Variants in CUBN observed in about 807,000 individuals in gnomAD.
CUBN encodes the protein 460 kDa receptor.
In CUBN, 282 loss-of-function variants were observed where a neutral mutation model predicts 405.3. That is an observed-to-expected ratio of 0.70 (90% CI 0.63 to 0.77). The LOEUF is 0.77. Among genes scored for constraint, CUBN ranks in the 30% least tolerant of loss-of-function variants. The probability of loss-of-function intolerance (pLI) is 0.00; values close to 1 mark genes in which losing one functional copy is unlikely to be tolerated. For missense variants in CUBN, 4,514 were observed against 4,475.2 expected, an observed-to-expected ratio of 1.01 and a Z score of -0.25; for synonymous variants, 1,684 against 1,617.0, an observed-to-expected ratio of 1.04 and a Z score of -0.99.
chr10:16,894,667 C>G (rs921792076), intron 54 of CUBN, among the ~76,000 whole-genome samples: 2 of 152,074 alleles, frequency 1.3e-5, no homozygotes, highest in African/African-American at 4.8e-5. Flanking sequence ...TTCCAAGATT[C>G]TTTTAGCCAT....
chr10:17,037,408 A>G (rs1412444378), intron 27 of CUBN, among the ~76,000 whole-genome samples: 1 of 152,244 alleles, frequency 6.6e-6, no homozygotes, highest in Non-Finnish European at 1.5e-5. Context: ...CTTAAAAATC[A>G]TATAATCATA....
At position 16,940,055 on chromosome 10, in the gene CUBN, C is replaced by T. The variant is rs909593073; in HGVS notation, c.5525G>A (p.Gly1842Asp). The stretch of plus-strand genomic sequence containing the variant: ...ACTCTTCATAAATGTGGCCTGGAAG[C>T]CCGTGCCGCTGCCAGAACCATCTGA... ...FISDGSGSGT[G>D]FQATFMKIFG... Residue 1842 changes from glycine to aspartate, a missense_variant, in exon 37 of 67, where the codon GGC becomes GAC. Gly to Asp is a moderately conservative substitution (Grantham distance 94, BLOSUM62 -1). Transcript: ENST00000377833. 1 of 1,613,810 alleles carries T rather than the reference C, an allele frequency of 6.2e-7. No homozygotes were observed. The highest frequency in any genetic ancestry group is 1.3e-5 in the African/African-American group (1 of 74,908).
At position 16,877,110 on chromosome 10, in the gene CUBN, T is replaced by C. The variant is rs897903697; in HGVS notation, c.8906-13A>G. On this transcript the variant is annotated splice_polypyrimidine_tract_variant and intron_variant, in intron 56 of 66. Coordinates refer to ENST00000377833, the MANE Select transcript of CUBN (RefSeq NM_001081.4). ...ACAGCGGAACGAGCTGGAAAAGGCA[T>C]GGAACAACCGCATTATGATCAGAAC... 2.4e-5 allele frequency: 38 copies of C among 1,609,714 alleles called. No individual in the cohort carries two copies. The highest frequency in any genetic ancestry group is 3.1e-5 in the Non-Finnish European group (36 of 1,177,706).
intron 13 of CUBN, among the ~76,000 whole-genome samples, chr10:17,100,637 C>G (rs533782806): frequency 3.3e-5 from 5 of 152,214 alleles, no homozygotes; most frequent in African/African-American, 1.2e-4. Flanking sequence ...AGAATGTACA[C>G]CCTAATTCCC....
At chr10:16,849,888 T>G (rs971908773) in intron 60 of CUBN, among the ~76,000 whole-genome samples, 2 of 152,136 alleles carry the variant, frequency 1.3e-5, no homozygotes, top group Non-Finnish European at 2.9e-5. Context: ...CCACTCCTTA[T>G]TTTCACCCGC....
intron 39 of CUBN, among the ~76,000 whole-genome samples, chr10:16,935,262 C>T (rs1267931633): frequency 6.6e-6 from 1 of 152,178 alleles, no homozygotes; most frequent in Non-Finnish European, 1.5e-5. Flanking sequence ...AGTGATTCCC[C>T]TGCCTCTGCC....
At chr10:16,994,063 C>T (rs1167641223) in intron 28 of CUBN, among the ~76,000 whole-genome samples, 1 of 152,212 alleles carries the variant, frequency 6.6e-6, no homozygotes, top group African/African-American at 2.4e-5. Flanking sequence ...AGCACACCAA[C>T]ATGGCATATG....
intron 59 of CUBN, among the ~76,000 whole-genome samples, chr10:16,859,525 A>G (rs1411094764): frequency 1.3e-5 from 2 of 152,170 alleles, no homozygotes; most frequent in Non-Finnish European, 2.9e-5. Flanking sequence ...ATAGAAAGCA[A>G]TGGCTTCCTA....
intron 28 of CUBN, among the ~76,000 whole-genome samples, chr10:17,000,957 T>G (rs1564471417): frequency 6.6e-6 from 1 of 152,238 alleles, no homozygotes; most frequent in Non-Finnish European, 1.5e-5. Context: ...ACAGTGAGTG[T>G]TACAGTTCTT....
chr10:16,869,477 A>G (rs532646061), intron 59 of CUBN, among the ~76,000 whole-genome samples, 159 bp downstream of exon 59: 1 of 145,548 alleles, frequency 6.9e-6, no homozygotes, highest in East Asian at 2.1e-4. Flanking sequence ...AAAATATGTC[A>G]TACGTAAGTT....
chr10:16,834,868 G>A, intron 64 of CUBN, 146 bp downstream of exon 64: 1 of 939,388 alleles, frequency 1.1e-6, no homozygotes, highest in Non-Finnish European at 1.6e-6. Context: ...CTCTGTAGAT[G>A]TTTAGGGAAT....
intron 44 of CUBN, among the ~76,000 whole-genome samples, chr10:16,919,706 T>A (rs1406943213): frequency 2.6e-5 from 4 of 152,128 alleles, no homozygotes; most frequent in African/African-American, 4.8e-5. Context: ...ATAACATCAA[T>A]CTCAAGTAGC....
At chr10:17,056,588 G>A (rs1225111429) in intron 22 of CUBN, among the ~76,000 whole-genome samples, 1 of 151,788 alleles carries the variant, frequency 6.6e-6, no homozygotes, top group Non-Finnish European at 1.5e-5. Flanking sequence ...CAGCCTGGGC[G>A]ACAGAGTGAG....
At chr10:16,974,428 T>TC (rs1833029912) in intron 31 of CUBN, among the ~76,000 whole-genome samples, 1 of 151,564 alleles carries the variant, frequency 6.6e-6, no homozygotes, top group East Asian at 1.9e-4. Context: ...TACAATTAAC[T>TC]CTTTTTTTTT....
At chr10:16,904,959 C>T (rs372195901) in intron 50 of CUBN, among the ~76,000 whole-genome samples, 19 of 152,296 alleles carry the variant, frequency 1.2e-4, no homozygotes, top group African/African-American at 3.8e-4. Context: ...TTGGAGGACT[C>T]TCTGGCTGAG....
rs1169533351 is a variant in CUBN at position 16,824,797 on chromosome 10, G to T, written c.*178C>A. On this transcript the variant is annotated 3_prime_UTR_variant, in exon 67 of 67. Coordinates refer to ENST00000377833, the MANE Select transcript of CUBN (RefSeq NM_001081.4). Reference sequence around the variant, plus strand: ...GGCCTCCCAAAGTGCTGAGAATACAGGGGGGTGAGCCACCACGCCTGGCCT... The same window carrying T: ...GGCCTCCCAAAGTGCTGAGAATACATGGGGGTGAGCCACCACGCCTGGCCT... 1.6e-6 allele frequency: 1 copy of T among 607,854 alleles called. No individual in the cohort carries two copies. Among genetic ancestry groups the T allele is most frequent in the Non-Finnish European group, 3.1e-6 (1 of 327,148 alleles). The allele number at this position is 607,854 out of a possible 1,614,324, so 37.7% of individuals were successfully genotyped here. A position where few individuals can be genotyped will look rare whatever the true frequency, so the allele number is the denominator to read the frequency against.
rs66664283 is a variant in CUBN, at chr10:16,862,160, TCACA to T, written c.9454+7472_9454+7475del. ...GAGACTCCGTCTCTCTCTCTCTCTC[TCACA>T]CACACACACACACACACACACACAC... On this transcript the variant is annotated intron_variant, in intron 59 of 66. Transcript: ENST00000377833. 1.7e-3 allele frequency among the ~76,000 whole-genome samples: 220 copies of T among 131,196 alleles called. 2 individuals are homozygous for T. The highest frequency in any genetic ancestry group is 6.3e-3 in the African/African-American group (194 of 30,774). The allele number at this position is 131,196 out of a possible 152,430, so 86.1% of individuals were successfully genotyped here.
At chr10:16,825,386 C>G (rs1357886075) in intron 66 of CUBN, among the ~76,000 whole-genome samples, 2 of 151,958 alleles carry the variant, frequency 1.3e-5, no homozygotes, top group Non-Finnish European at 1.5e-5. Flanking sequence ...GCTCTGTGAA[C>G]CTACGAAAAA....
intron 51 of CUBN, 52 bp from the exon 52 acceptor site, chr10:16,901,511 CG>C (rs772825872): frequency 2.5e-6 from 4 of 1,607,594 alleles, no homozygotes; most frequent in Non-Finnish European, 3.4e-6. Flanking sequence ...AAAAAAGAAC[CG>C]ATAATGCCAA....
Sources: gnomAD v4.1 joint callset for allele counts (sites outside exome capture counted in the v4.1 genomes callset) on GRCh38, gnomAD v4.1.1 for gene constraint, MANE v1.5 for transcripts, NCBI Gene and HGNC (gene_info 2026-07-23, HGNC 2026-07-21) for gene names.